CCNH: variants seen among roughly 807,000 people sequenced by gnomAD.
CCNH encodes cyclin H.
CCNH carries 31 observed loss-of-function variants against 41.9 expected under a neutral mutation model. The ratio of observed to expected loss-of-function variants is 0.74; its 90% CI spans 0.56 to 1.00. The LOEUF (loss-of-function observed/expected upper bound fraction) is 1.00, where lower values mean the gene tolerates loss of function less well. Ranked by LOEUF, CCNH falls within the 50% of genes least tolerant of loss-of-function variation. The pLI is 0.00. For synonymous variants in CCNH, 138 were observed against 136.1 expected, an observed-to-expected ratio of 1.01 and a Z score of -0.10; for missense variants, 362 against 388.4, an observed-to-expected ratio of 0.93 and a Z score of 0.57.
intron 9 of CCNH, among the ~76,000 whole-genome samples, chr5:87,338,535 A>T (rs796528911): frequency 0.32 from 29,475 of 92,786 alleles, 5,237 homozygotes; most frequent in Middle Eastern, 0.39. Flanking sequence ...ATATATATAA[A>T]ATTTTTTTTT....
downstream of CCNH, chr5:87,389,280 G>A (rs972491320): frequency 5.7e-6 from 8 of 1,391,936 alleles, no homozygotes; most frequent in African/African-American, 4.3e-5. Flanking sequence ...GCAGTGAGCC[G>A]AGATCATGCC....
At chr5:87,403,692 G>A (rs1763583454) in intron 5 of CCNH, among the ~76,000 whole-genome samples, 1 of 152,146 alleles carries the variant, frequency 6.6e-6, no homozygotes, top group South Asian at 2.1e-4. Flanking sequence ...TGAAGTAGGA[G>A]GATCGCTTGA....
chr5:87,378,534 G>A, upstream of CCNH: 1 of 1,607,230 alleles, frequency 6.2e-7, no homozygotes, highest in South Asian at 1.1e-5. Context: ...AAGCAGTCTT[G>A]TGAGGTAAGA....
At chr5:87,394,120 G>A (rs1363921749), downstream of CCNH, 7 of 354,266 alleles carry the variant, frequency 2.0e-5, no homozygotes, top group African/African-American at 4.4e-5. Flanking sequence ...TTTTAAAGCT[G>A]GCTACTAAGT....
At chr5:87,340,125 A>T (rs10942502) in intron 9 of CCNH, among the ~76,000 whole-genome samples, 1 of 151,840 alleles carries the variant, frequency 6.6e-6, no homozygotes, top group Non-Finnish European at 1.5e-5. Flanking sequence ...TGAGTAAATG[A>T]ATGTTTCTAT....
intron 9 of CCNH, among the ~76,000 whole-genome samples, chr5:87,328,136 ACTT>A (rs1030312419): frequency 6.6e-6 from 1 of 152,202 alleles, no homozygotes; most frequent in African/African-American, 2.4e-5. Context: ...TACTTTTAAA[ACTT>A]ATTATTGCTA....
intron 9 of CCNH, among the ~76,000 whole-genome samples, chr5:87,368,059 G>C (rs77818338): frequency 0.012 from 1,810 of 152,076 alleles, 28 homozygotes; most frequent in African/African-American, 0.041. Context: ...CTCTTGGTTA[G>C]TATCTGTTTA....
At chr5:87,333,231 T>G (rs1177139439) in intron 9 of CCNH, 1 of 1,607,362 alleles carries the variant, frequency 6.2e-7, no homozygotes, top group Non-Finnish European at 8.5e-7. Context: ...ATAAAAAGAC[T>G]ATCTTTTTAA....
At chr5:87,379,735 T>C, upstream of CCNH, 5 of 1,611,882 alleles carry the variant, frequency 3.1e-6, no homozygotes, top group Non-Finnish European at 3.4e-6. Flanking sequence ...CTTCTTTTAG[T>C]TAAGTCCATC....
chr5:87,331,491 A>C, intron 9 of CCNH: 9 of 1,613,784 alleles, frequency 5.6e-6, no homozygotes, highest in Non-Finnish European at 7.6e-6. Context: ...AATGTTGTCA[A>C]CCATTTTAGG....
chr5:87,334,630 C>T (rs1305041221), intron 9 of CCNH, among the ~76,000 whole-genome samples: 1 of 152,176 alleles, frequency 6.6e-6, no homozygotes, highest in Non-Finnish European at 1.5e-5. Flanking sequence ...GGTAAAACTG[C>T]TGGTGCCTTA....
At chr5:87,377,564 T>G (rs1761410932), upstream of CCNH, among the ~76,000 whole-genome samples, 1 of 152,130 alleles carries the variant, frequency 6.6e-6, no homozygotes, top group South Asian at 2.1e-4. Flanking sequence ...CTTGAACTCC[T>G]GACTTCAGGT....
chr5:87,351,103 A>G (rs556607948), intron 9 of CCNH, among the ~76,000 whole-genome samples: 1 of 151,758 alleles, frequency 6.6e-6, no homozygotes, highest in Admixed American at 6.6e-5. Flanking sequence ...TGAGACCTTG[A>G]TAAAGAGGGA....
chr5:87,342,730 TGTAAG>T (rs763757290), intron 9 of CCNH, among the ~76,000 whole-genome samples: 2 of 152,150 alleles, frequency 1.3e-5, no homozygotes, highest in Non-Finnish European at 2.9e-5. Flanking sequence ...GTTTGCCTAT[TGTAAG>T]GTAATCACTT....
Position 87,412,869 on chromosome 5 carries a change from C to CG in CCNH, c.-76dup, listed in dbSNP as rs1282295752. The CG allele has an allele frequency of 5.4e-5, 85 of 1,566,242 alleles. 1 individual carries two copies. In the East Asian group the frequency reaches 1.5e-3, roughly 28 times the overall value. ...CATCAGCGTCCTGGCGTAAAACACC[C>CG]GTACCCCCACCGAAGATCTCGCGGA... On this transcript the variant is annotated 5_prime_UTR_variant, in exon 1 of 9. Coordinates refer to ENST00000256897, the MANE Select transcript of CCNH (RefSeq NM_001239.4).
chr5:87,338,998 C>G (rs944319397), intron 9 of CCNH, among the ~76,000 whole-genome samples: 2 of 152,068 alleles, frequency 1.3e-5, no homozygotes, highest in African/African-American at 2.4e-5. Flanking sequence ...TACTCAGTAT[C>G]AAATATATTG....
intron 7 of CCNH, among the ~76,000 whole-genome samples, chr5:87,397,802 A>G (rs1365472131): frequency 6.6e-6 from 1 of 152,220 alleles, no homozygotes; most frequent in Non-Finnish European, 1.5e-5. Context: ...GGGTGGATAA[A>G]CTTTTTCTTT....
At chr5:87,404,756 G>A (rs1308292828) in intron 5 of CCNH, 88 bp downstream of exon 5, 1 of 1,052,198 alleles carries the variant, frequency 9.5e-7, no homozygotes, top group African/African-American at 1.6e-5. Flanking sequence ...CAGCCACAAA[G>A]AATATTAAAG....
downstream of CCNH, chr5:87,389,329 C>T (rs1472369717): frequency 8.2e-6 from 13 of 1,595,004 alleles, no homozygotes; most frequent in Admixed American, 8.4e-5. Context: ...GAAACTCTGT[C>T]TCAAAAAAAA....
Sources: gnomAD v4.1 joint callset for allele counts (sites outside exome capture counted in the v4.1 genomes callset) on GRCh38, gnomAD v4.1.1 for gene constraint, MANE v1.5 for transcripts, NCBI Gene and HGNC (gene_info 2026-07-23, HGNC 2026-07-21) for gene names.